The following C1QTNF7 variants were observed in gnomAD, a reference collection of about 807,000 sequenced individuals.
The protein encoded by C1QTNF7 is complement C1q tumor necrosis factor-related protein 7.
Under a neutral mutation model 19.6 loss-of-function variants are expected in C1QTNF7, and 15 were observed. That is an observed-to-expected ratio of 0.76 (90% CI 0.51 to 1.18). The LOEUF is 1.18. Ranked by LOEUF, C1QTNF7 falls within the 50% of genes most tolerant of loss-of-function variation. The pLI is 0.00. For missense variants in C1QTNF7, 324 were observed against 359.7 expected (o/e 0.90, Z 0.80); for synonymous variants, 142 against 137.5 (o/e 1.03, Z -0.23).
chr4:15,436,640 T>C (rs1444868043), intron 2 of C1QTNF7, among the ~76,000 whole-genome samples: 2 of 152,220 alleles, frequency 1.3e-5, no homozygotes, highest in Non-Finnish European at 2.9e-5. Context: ...AATTGCCCAC[T>C]AGTCCTTCAG....
At chr4:15,402,806 C>T (rs1351265376) in intron 1 of C1QTNF7, among the ~76,000 whole-genome samples, 5 of 152,116 alleles carry the variant, frequency 3.3e-5, no homozygotes, top group African/African-American at 4.8e-5. Context: ...TTCAAGTAAC[C>T]TCACATTCAA....
intron 1 of C1QTNF7, among the ~76,000 whole-genome samples, chr4:15,379,948 C>T (rs2108889909): frequency 6.6e-6 from 1 of 152,280 alleles, no homozygotes; most frequent in Non-Finnish European, 1.5e-5. Flanking sequence ...CTAACCCAGG[C>T]CGATTACGTT....
At chr4:15,367,445 C>A (rs1717566497) in intron 1 of C1QTNF7, among the ~76,000 whole-genome samples, 1 of 152,170 alleles carries the variant, frequency 6.6e-6, no homozygotes, top group Non-Finnish European at 1.5e-5. Context: ...CCCAGTACTA[C>A]CAGCACCATT....
chr4:15,442,452 G>A lies in C1QTNF7; in HGVS notation c.523G>A (p.Gly175Arg). The A allele has an allele frequency of 6.2e-7, 1 of 1,614,170 alleles. No individual in the cohort carries two copies. The highest frequency in any genetic ancestry group is 8.5e-7 in the Non-Finnish European group (1 of 1,180,036). ...ATTTAACAAGGTCCTCTTCAACGAG[G>A]GAGAGCACTACAACCCTGCCACAGG... ...IIFNKVLFNE[G>R]EHYNPATGKF... Residue 175 changes from glycine (G) to arginine (R), a missense_variant, in exon 3 of 3, where the codon GGA becomes AGA. Transcript: ENST00000444304.
intron 1 of C1QTNF7, among the ~76,000 whole-genome samples, chr4:15,397,599 G>C (rs920033612): frequency 6.6e-6 from 1 of 152,348 alleles, no homozygotes; most frequent in South Asian, 2.1e-4. Flanking sequence ...CACTGGGCTT[G>C]AAGATAGTAA....
At chr4:15,380,654 G>A (rs952026750) in intron 1 of C1QTNF7, among the ~76,000 whole-genome samples, 4 of 152,182 alleles carry the variant, frequency 2.6e-5, no homozygotes, top group African/African-American at 9.7e-5. Flanking sequence ...GTATGGGGAG[G>A]CCAGGCACAG....
intron 1 of C1QTNF7, among the ~76,000 whole-genome samples, chr4:15,372,681 G>A (rs1717777369): frequency 6.6e-6 from 1 of 152,180 alleles, no homozygotes; most frequent in South Asian, 2.1e-4. Context: ...CGCTGATCTT[G>A]ATTCATTTGA....
At position 15,442,842 on chromosome 4, in the gene C1QTNF7, G is replaced by C. The variant is rs370436701; in HGVS notation, c.*43G>C. The C allele has an allele frequency of 6.6e-7, 1 of 1,522,424 alleles. No homozygotes were observed. The highest frequency in any genetic ancestry group is 1.4e-5 in the African/African-American group (1 of 72,160). 94.3% of individuals were successfully genotyped at this position (1,522,424 alleles called of 1,614,324 possible). On this transcript the variant is annotated 3_prime_UTR_variant, in exon 3 of 3. Transcript: ENST00000444304. ...GTGGTAAACACTCTGATTGAATCTG[G>C]GGTTCCAGAAGGTGGAACAAGCAGG...
At chr4:15,416,904 A>G (rs1719626464) in intron 1 of C1QTNF7, among the ~76,000 whole-genome samples, 1 of 152,240 alleles carries the variant, frequency 6.6e-6, no homozygotes, top group African/African-American at 2.4e-5. Context: ...GCCAACAGCC[A>G]ACACTACCTT....
chr4:15,340,821 A>G (rs946395619), intron 1 of C1QTNF7, among the ~76,000 whole-genome samples: 21 of 152,180 alleles, frequency 1.4e-4, no homozygotes, highest in African/African-American at 4.8e-4. Flanking sequence ...TCATTAATTC[A>G]AGTCACAGTC....
At position 15,357,516 on chromosome 4, in the gene C1QTNF7, C is replaced by T. The variant is rs191182956; in HGVS notation, c.13+17309C>T. Among the ~76,000 whole-genome samples, 120 of 152,248 alleles carry T rather than the reference C, an allele frequency of 7.9e-4. 1 individual carries two copies. Among genetic ancestry groups the T allele is most frequent in the African/African-American group, 2.6e-3 (106 of 41,552 alleles). On this transcript the variant is annotated intron_variant, in intron 1 of 2. Coordinates refer to the C1QTNF7 transcript ENST00000295297. Reference sequence around the variant, plus strand: ...TGTAGTATAGTTTGAAGTCAGGTAGCATAATGCCTCCAGCTTTGTTCTTTT... The same window carrying T: ...TGTAGTATAGTTTGAAGTCAGGTAGTATAATGCCTCCAGCTTTGTTCTTTT...
intron 1 of C1QTNF7, among the ~76,000 whole-genome samples, chr4:15,366,530 G>A (rs1177480688): frequency 6.6e-6 from 1 of 152,054 alleles, no homozygotes; most frequent in Non-Finnish European, 1.5e-5. Flanking sequence ...TCCCTCCTCT[G>A]CCTTTTCTTT....
intron 1 of C1QTNF7, among the ~76,000 whole-genome samples, chr4:15,381,142 G>A (rs570731538): frequency 1.3e-5 from 2 of 152,040 alleles, no homozygotes; most frequent in African/African-American, 4.8e-5. Flanking sequence ...TATTGGCCAG[G>A]CACGGTGGCT....
At chr4:15,404,642 C>A (rs1367140075) in intron 1 of C1QTNF7, among the ~76,000 whole-genome samples, 1 of 152,192 alleles carries the variant, frequency 6.6e-6, no homozygotes, top group African/African-American at 2.4e-5. Flanking sequence ...TTAGTATATT[C>A]TCTGATCTTG....
chr4:15,430,903 T>C (rs1712276012), intron 1 of C1QTNF7, among the ~76,000 whole-genome samples: 1 of 152,198 alleles, frequency 6.6e-6, no homozygotes, highest in African/African-American at 2.4e-5. Flanking sequence ...CTTAAAGTGG[T>C]GAAGGCCTTC....
At chr4:15,349,412 T>C (rs540578080) in intron 1 of C1QTNF7, among the ~76,000 whole-genome samples, 7 of 152,268 alleles carry the variant, frequency 4.6e-5, no homozygotes, top group Admixed American at 4.6e-4. Context: ...GTGCCCGGGA[T>C]ATAGTAGAAA....
At chr4:15,374,812 T>G in intron 1 of C1QTNF7, 1 of 955,352 alleles carries the variant, frequency 1.0e-6, no homozygotes, top group Non-Finnish European at 1.2e-6. Context: ...GTCTTCAGGC[T>G]TTTTTTCCTT....
intron 1 of C1QTNF7, among the ~76,000 whole-genome samples, chr4:15,397,048 C>T (rs1415087078): frequency 1.3e-5 from 1 of 75,494 alleles, no homozygotes; most frequent in Non-Finnish European, 3.1e-5. Context: ...TGGCAGCAGG[C>T]AAAGGAGAAT....
intron 1 of C1QTNF7, among the ~76,000 whole-genome samples, chr4:15,368,445 C>A: frequency 6.6e-6 from 1 of 152,106 alleles, no homozygotes; most frequent in South Asian, 2.1e-4. Context: ...CCCCACTCCC[C>A]CAACCCCATG....
Sources: allele counts gnomAD v4.1 joint callset (sites outside exome capture counted in the v4.1 genomes callset), GRCh38; gene constraint gnomAD v4.1.1; transcripts MANE v1.5; gene names NCBI Gene and HGNC (gene_info 2026-07-23, HGNC 2026-07-21).